CCR3: variants seen among roughly 807,000 people sequenced by gnomAD.
The protein encoded by CCR3 is C-C motif chemokine receptor 3, also known as C-C chemokine receptor type 3.
For synonymous variants in CCR3, 203 were observed against 179.2 expected (o/e 1.13, Z -1.06); for missense variants, 419 against 437.5 (o/e 0.96, Z 0.38).
intron 1 of CCR3, among the ~76,000 whole-genome samples, chr3:46,263,147 A>G (rs1169586080): frequency 7.2e-5 from 11 of 152,260 alleles, no homozygotes; most frequent in Non-Finnish European, 1.3e-4. Context: ...ATAACACATG[A>G]ATTAAAGACA....
chr3:46,254,728 T>A (rs1700385147), intron 1 of CCR3, among the ~76,000 whole-genome samples: 1 of 152,186 alleles, frequency 6.6e-6, no homozygotes, highest in African/African-American at 2.4e-5. Flanking sequence ...TGAGTGACAA[T>A]GTACAATGTT....
intron 2 of CCR3, among the ~76,000 whole-genome samples, chr3:46,236,598 TC>T (rs1157201536): frequency 6.6e-6 from 1 of 152,242 alleles, no homozygotes; most frequent in East Asian, 1.9e-4. Context: ...ACCAGAGGCT[TC>T]CAGTTCCTCT....
In CCR3 at chr3:46,245,803, G is replaced by A. The variant is rs761605905; in HGVS notation, c.-12+3265G>A. On this transcript the variant is annotated intron_variant, in intron 1 of 1. Transcript: ENST00000395940. ...TCCCACTTATAAGTCAGAACATGTC[G>A]TATTTGGTTTTTTCCCTGCATTAGT... 8.1e-4 allele frequency among the ~76,000 whole-genome samples: 123 copies of A among 152,086 alleles called. 3 individuals are homozygous for A. The highest frequency in any genetic ancestry group is 4.6e-4 in the Admixed American group (7 of 15,260).
chr3:46,251,601 C>A (rs948057234), intron 1 of CCR3, among the ~76,000 whole-genome samples: 4 of 152,082 alleles, frequency 2.6e-5, no homozygotes, highest in Admixed American at 6.5e-5. Context: ...AGTCACGGCA[C>A]CAAATTTCAT....
At chr3:46,248,868 T>TG (rs1281534538) in intron 1 of CCR3, among the ~76,000 whole-genome samples, 1 of 151,820 alleles carries the variant, frequency 6.6e-6, no homozygotes, top group Non-Finnish European at 1.5e-5. Flanking sequence ...CCCCACGGGG[T>TG]GGATAGGCAA....
intron 2 of CCR3, among the ~76,000 whole-genome samples, chr3:46,234,885 G>A (rs994935513): frequency 6.6e-6 from 1 of 152,226 alleles, no homozygotes; most frequent in Non-Finnish European, 1.5e-5. Context: ...AGGCTACAGT[G>A]AGTGGTGAGG....
In CCR3 at chr3:46,265,389, C is replaced by T; in HGVS notation, c.231C>T (p.Ala77=). The change falls in exon 2 of 2, where the codon GCC becomes GCT. Residue 77 remains alanine (A), a synonymous_variant. Coordinates refer to ENST00000395940, the MANE Select transcript of CCR3 (RefSeq NM_178329.3). ...IMTNIYLLNL[A]ISDLLFLVTL... is the part of the protein sequence containing the mutation. ...CCAACATCTACCTGCTCAACCTGGCCATTTCGGACCTGCTCTTCCTCGTCA... is the reference window on the plus strand; with the variant it reads ...CCAACATCTACCTGCTCAACCTGGCTATTTCGGACCTGCTCTTCCTCGTCA... 6.2e-7 allele frequency: 1 copy of T among 1,614,162 alleles called. No individual in the cohort carries two copies. Among genetic ancestry groups the T allele is most frequent in the South Asian group, 1.1e-5 (1 of 91,072 alleles).
At chr3:46,240,906 T>C (rs919242551), upstream of CCR3, among the ~76,000 whole-genome samples, 13 of 152,238 alleles carry the variant, frequency 8.5e-5, no homozygotes, top group Admixed American at 3.9e-4. Flanking sequence ...GAGATCTTAC[T>C]ATCAGTCGAA....
intron 2 of CCR3, among the ~76,000 whole-genome samples, chr3:46,232,634 C>T (rs1010844706): frequency 1.3e-5 from 2 of 152,082 alleles, no homozygotes; most frequent in Non-Finnish European, 1.5e-5. Context: ...ATGGCTGCAC[C>T]GGTGGTTTGC....
intron 1 of CCR3, among the ~76,000 whole-genome samples, chr3:46,251,236 C>T (rs1435200946): frequency 6.6e-6 from 1 of 152,096 alleles, no homozygotes; most frequent in Non-Finnish European, 1.5e-5. Flanking sequence ...AGAGGCGTCC[C>T]TGCAATGATT....
At chr3:46,258,976 G>T (rs1273389382) in intron 1 of CCR3, among the ~76,000 whole-genome samples, 1 of 152,132 alleles carries the variant, frequency 6.6e-6, no homozygotes, top group South Asian at 2.1e-4. Flanking sequence ...CAATGACATA[G>T]AAACAGCATT....
chr3:46,245,600 C>A (rs1259827958), intron 1 of CCR3, among the ~76,000 whole-genome samples: 1 of 151,840 alleles, frequency 6.6e-6, no homozygotes, highest in African/African-American at 2.4e-5. Flanking sequence ...ACATGTGAAG[C>A]TTTGTTACGT....
intron 2 of CCR3, among the ~76,000 whole-genome samples, chr3:46,226,202 C>CAAAT (rs1699893265): frequency 6.6e-6 from 1 of 152,134 alleles, no homozygotes; most frequent in South Asian, 2.1e-4. Flanking sequence ...AATAAGCTTA[C>CAAAT]AAATGGCTAT....
intron 2 of CCR3, among the ~76,000 whole-genome samples, chr3:46,231,072 A>C (rs553429373): frequency 2.8e-4 from 43 of 152,142 alleles, no homozygotes; most frequent in African/African-American, 9.2e-4. Flanking sequence ...TTACAGGCAC[A>C]CACCATCACA....
intron 2 of CCR3, among the ~76,000 whole-genome samples, chr3:46,221,959 C>G (rs1699842176): frequency 6.6e-6 from 1 of 152,224 alleles, no homozygotes; most frequent in Non-Finnish European, 1.5e-5. Context: ...CCCAGCCCCT[C>G]TCTTGCCACT....
At chr3:46,224,429 C>T (rs1329390702) in intron 2 of CCR3, among the ~76,000 whole-genome samples, 1 of 150,854 alleles carries the variant, frequency 6.6e-6, no homozygotes. Flanking sequence ...ATGGTGAAAC[C>T]CCATCTCTAA....
At chr3:46,249,842 T>C (rs932909782) in intron 1 of CCR3, among the ~76,000 whole-genome samples, 2 of 151,576 alleles carry the variant, frequency 1.3e-5, no homozygotes, top group Non-Finnish European at 2.9e-5. Context: ...GTGGCTGGGG[T>C]TTGTCTCACA....
chr3:46,257,601 A>T (rs1334893156), intron 1 of CCR3, among the ~76,000 whole-genome samples: 1 of 152,072 alleles, frequency 6.6e-6, no homozygotes, highest in Non-Finnish European at 1.5e-5. Context: ...ATGTATTAGT[A>T]TTTAAAACCA....
Position 46,265,946 on chromosome 3 carries a change from C to A in CCR3, c.788C>A (p.Ser263Tyr). 1 of 1,614,094 alleles carries A rather than the reference C, an allele frequency of 6.2e-7. No homozygotes were observed. Among genetic ancestry groups the A allele is most frequent in the Non-Finnish European group, 8.5e-7 (1 of 1,180,006 alleles). Residue 263 changes from serine (S) to tyrosine (Y), a missense_variant, in exon 2 of 2, where the codon TCC becomes TAC. Coordinates refer to ENST00000395940, the MANE Select transcript of CCR3 (RefSeq NM_178329.3). ...TACAATGTGGCTATCCTTCTCTCTTCCTATCAATCCATCTTATTTGGAAAT... is the reference window on the plus strand; with the variant it reads ...TACAATGTGGCTATCCTTCTCTCTTACTATCAATCCATCTTATTTGGAAAT... The part of the protein sequence containing the change: ...TPYNVAILLS[S>Y]YQSILFGNDC...
Sources: allele counts gnomAD v4.1 joint callset (sites outside exome capture counted in the v4.1 genomes callset), GRCh38; gene constraint gnomAD v4.1.1; transcripts MANE v1.5; gene names NCBI Gene and HGNC (gene_info 2026-07-23, HGNC 2026-07-21).